Variants in PPFIA2 observed in about 807,000 individuals in gnomAD.
The protein encoded by PPFIA2 is liprin-alpha-2.
A neutral mutation model predicts 175.5 loss-of-function variants in PPFIA2; 46 were observed. The observed-to-expected ratio is 0.26, with a 90% confidence interval of 0.21 to 0.34. The LOEUF (loss-of-function observed/expected upper bound fraction) is 0.34. PPFIA2 is among the 10% of genes least tolerant of loss of function. The pLI is 1.00. For synonymous variants in PPFIA2, 568 were observed against 511.4 expected, an observed-to-expected ratio of 1.11 and a Z score of -1.49; for missense variants, 1,179 against 1,506.1, an observed-to-expected ratio of 0.78 and a Z score of 3.60.
intron 4 of PPFIA2, among the ~76,000 whole-genome samples, chr12:81,582,747 A>T (rs932622510): frequency 6.6e-6 from 1 of 151,850 alleles, no homozygotes; most frequent in Non-Finnish European, 1.5e-5. Flanking sequence ...AAAATCTTCA[A>T]ATTTGTATTA....
chr12:81,662,371 T>C (rs4638386), intron 4 of PPFIA2, among the ~76,000 whole-genome samples: 139,191 of 152,206 alleles, frequency 0.91, 63,806 homozygotes, highest in East Asian at 1. Flanking sequence ...AAGGGGATAT[T>C]ACCACCAATC....
At chr12:81,536,219 A>G (rs1241605303) in intron 4 of PPFIA2, among the ~76,000 whole-genome samples, 2 of 151,766 alleles carry the variant, frequency 1.3e-5, no homozygotes, top group Non-Finnish European at 3.0e-5. Context: ...GTTGAAGATT[A>G]ATGTGAAACA....
At chr12:81,262,233 C>T (rs533221724) in intron 31 of PPFIA2, among the ~76,000 whole-genome samples, 193 bp from the exon 32 acceptor site, 1 of 152,252 alleles carries the variant, frequency 6.6e-6, no homozygotes, top group Admixed American at 6.5e-5. Flanking sequence ...ATGTAAATGA[C>T]CTGAGCTTTT....
intron 8 of PPFIA2, among the ~76,000 whole-genome samples, chr12:81,396,018 A>T (rs1286843777): frequency 6.6e-6 from 1 of 151,982 alleles, no homozygotes; most frequent in Non-Finnish European, 1.5e-5. Context: ...GCCTTCCCTC[A>T]ATTCATTTTC....
At chr12:81,279,457 T>C (rs1018649911) in intron 27 of PPFIA2, among the ~76,000 whole-genome samples, 6 of 152,142 alleles carry the variant, frequency 3.9e-5, no homozygotes, top group Admixed American at 6.6e-5. Context: ...TGCTTCTTGG[T>C]CAGTTTCTGC....
intron 22 of PPFIA2, among the ~76,000 whole-genome samples, chr12:81,319,690 A>G (rs1170417591): frequency 2.0e-5 from 3 of 151,896 alleles, no homozygotes; most frequent in African/African-American, 4.8e-5. Context: ...TCATCTAAGG[A>G]CTTCATTTTT....
In PPFIA2 at chr12:81,642,705, T is replaced by TATATTATATACATACAC. The variant is rs1567687468; in HGVS notation, c.303+34085_303+34086insGTGTATGTATATAATAT. 8.9e-4 allele frequency among the ~76,000 whole-genome samples: 32 copies of TATATTATATACATACAC among 36,014 alleles called. 8 individuals carry two copies. The highest frequency in any genetic ancestry group is 2.5e-3 in the African/African-American group (26 of 10,326). The allele number at this position is 36,014 out of a possible 152,430, so 23.6% of individuals were successfully genotyped here. Reference sequence around the variant, plus strand: ...TATCTATTATATACATACATGTATATGTATGTATGTATTATATACATACAT... The same window carrying TATATTATATACATACAC: ...TATCTATTATATACATACATGTATATATATTATATACATACACGTATGTATGTATTATATACATACAT... On this transcript the variant is annotated intron_variant, in intron 4 of 32. Transcript: ENST00000549396.
intron 11 of PPFIA2, among the ~76,000 whole-genome samples, chr12:81,373,968 T>C (rs2035794643): frequency 6.6e-6 from 1 of 152,092 alleles, no homozygotes; most frequent in Non-Finnish European, 1.5e-5. Context: ...ACATACACTT[T>C]GAAATGATGC....
rs756093598 is a variant in PPFIA2, at chr12:81,642,810, T to TTATATATATA, written c.303+33980_303+33981insTATATATATA. Among the ~76,000 whole-genome samples, 2 of 24,682 alleles carry TTATATATATA rather than the reference T, an allele frequency of 8.1e-5. 1 individual carries two copies. Among genetic ancestry groups the TTATATATATA allele is most frequent in the Admixed American group, 1.2e-3 (2 of 1,622 alleles). 16.2% of individuals were successfully genotyped at this position (24,682 alleles called of 152,430 possible). On this transcript the variant is annotated intron_variant, in intron 4 of 32. Transcript: ENST00000549396. Reference sequence around the variant, plus strand: ...ACATACATGTATATGTATGTATGTATTACATACATGTATATGTATGTATGT... The same window carrying TTATATATATA: ...ACATACATGTATATGTATGTATGTATTATATATATATACATACATGTATATGTATGTATGT...
At chr12:81,380,723 T>G (rs1451694110) in intron 9 of PPFIA2, among the ~76,000 whole-genome samples, 1 of 152,154 alleles carries the variant, frequency 6.6e-6, no homozygotes, top group Non-Finnish European at 1.5e-5. Flanking sequence ...AGGAGGGAAC[T>G]GCATAGATCT....
chr12:81,292,745 G>A (rs1801286647), intron 24 of PPFIA2: 2 of 152,116 alleles, frequency 1.3e-5, no homozygotes, highest in South Asian at 4.1e-4. Context: ...CTGTGTGTGG[G>A]GGGTCAGCAC....
chr12:81,289,108 G>A (rs2044230833), intron 24 of PPFIA2, among the ~76,000 whole-genome samples: 1 of 151,716 alleles, frequency 6.6e-6, no homozygotes, highest in East Asian at 1.9e-4. Context: ...TATAATAAAA[G>A]TACCTTTCTC....
chr12:81,470,020 G>A lies in PPFIA2; in HGVS notation c.304-12154C>T, dbSNP rs555732988. 3.9e-5 allele frequency among the ~76,000 whole-genome samples: 6 copies of A among 152,162 alleles called. 1 individual carries two copies. In the South Asian group the frequency reaches 1.2e-3, roughly 31 times the overall value. Reference sequence around the variant, plus strand: ...TCAGGTTTCCAGCCTCCAGAACTGCGAGGAAATATATCTTTGTTGATTAAG... The same window carrying A: ...TCAGGTTTCCAGCCTCCAGAACTGCAAGGAAATATATCTTTGTTGATTAAG... On this transcript the variant is annotated intron_variant, in intron 4 of 32. Transcript: ENST00000549396.
intron 28 of PPFIA2, among the ~76,000 whole-genome samples, chr12:81,270,235 C>A (rs2038682595): frequency 6.6e-6 from 1 of 152,180 alleles, no homozygotes. Flanking sequence ...TTTAACCTTG[C>A]ATTATTAATG....
At position 81,299,507 on chromosome 12, in the gene PPFIA2, T is replaced by A. The variant is rs1037711223; in HGVS notation, c.2643-125A>T. The stretch of plus-strand genomic sequence containing the variant: ...AGATTTTTTATGATACAATATAGAA[T>A]AACAGAATTCCTTATTCCTTTGAGT... On this transcript the variant is annotated intron_variant, in intron 22 of 32. Coordinates refer to ENST00000549396, the MANE Select transcript of PPFIA2 (RefSeq NM_003625.5). 1.8e-5 allele frequency: 23 copies of A among 1,268,520 alleles called. No individual in the cohort carries two copies. The Admixed American group carries it at 5.8e-4, about 32-fold the overall frequency. 78.6% of individuals were successfully genotyped at this position (1,268,520 alleles called of 1,614,324 possible).
At chr12:81,634,369 GA>G (rs759519636) in intron 4 of PPFIA2, among the ~76,000 whole-genome samples, 4 of 151,798 alleles carry the variant, frequency 2.6e-5, no homozygotes, top group Non-Finnish European at 4.4e-5. Flanking sequence ...TTTGTGGAAT[GA>G]AAAAAAATGT....
At chr12:81,716,742 T>C (rs1455293276) in intron 3 of PPFIA2, among the ~76,000 whole-genome samples, 3 of 151,782 alleles carry the variant, frequency 2.0e-5, no homozygotes, top group Non-Finnish European at 4.4e-5. Flanking sequence ...TACATTTTCA[T>C]GTATTTCACT....
At chr12:81,577,428 T>A (rs751266896) in intron 4 of PPFIA2, among the ~76,000 whole-genome samples, 1 of 151,890 alleles carries the variant, frequency 6.6e-6, no homozygotes, top group African/African-American at 2.4e-5. Flanking sequence ...CATTGGCAAA[T>A]GCCAGAGAGC....
intron 4 of PPFIA2, chr12:81,598,291 C>T (rs2059461035): frequency 3.2e-5 from 39 of 1,219,134 alleles, no homozygotes; most frequent in Non-Finnish European, 4.0e-5. Context: ...ATTAAAAACA[C>T]AGAAGGAAAA....
Sources: gnomAD v4.1 joint callset for allele counts (sites outside exome capture counted in the v4.1 genomes callset) on GRCh38, gnomAD v4.1.1 for gene constraint, MANE v1.5 for transcripts, NCBI Gene and HGNC (gene_info 2026-07-23, HGNC 2026-07-21) for gene names.